DPP8: variants seen among roughly 807,000 people sequenced by gnomAD.
DPP8 encodes the protein dipeptidyl peptidase 8.
In DPP8, 31 loss-of-function variants were observed where a neutral mutation model predicts 107.5. The ratio of observed to expected loss-of-function variants is 0.29; its 90% CI spans 0.22 to 0.39. The LOEUF (loss-of-function observed/expected upper bound fraction) is 0.39, where lower values mean the gene tolerates loss of function less well. Ranked by LOEUF, DPP8 falls within the 10% of genes least tolerant of loss-of-function variation. DPP8 has a pLI of 1.00. For missense variants in DPP8, 842 were observed against 1,076.1 expected, an observed-to-expected ratio of 0.78 and a Z score of 3.04; for synonymous variants, 381 against 356.6, an observed-to-expected ratio of 1.07 and a Z score of -0.77.
Position 65,501,891 on chromosome 15 carries a change from C to A in DPP8, c.373-1112G>T, listed in dbSNP as rs140728874. 1.5e-3 allele frequency among the ~76,000 whole-genome samples: 221 copies of A among 152,164 alleles called. 1 individual carries two copies. Among genetic ancestry groups the A allele is most frequent in the African/African-American group, 5.0e-3 (208 of 41,536 alleles). On this transcript the variant is annotated intron_variant, in intron 3 of 19. Coordinates refer to ENST00000300141, the MANE Select transcript of DPP8 (RefSeq NM_130434.5). The stretch of plus-strand genomic sequence containing the variant: ...CCAATTCACTATTTCACAGTGATTT[C>A]TTTCTTTCTTTCTTTGAGACAAAAC...
chr15:65,499,056 C>T (rs1298184790), intron 4 of DPP8, among the ~76,000 whole-genome samples: 1 of 134,894 alleles, frequency 7.4e-6, no homozygotes, highest in South Asian at 2.3e-4. Context: ...ACTTTGTCTC[C>T]CCCCCAAAAA....
intron 2 of DPP8, among the ~76,000 whole-genome samples, chr15:65,508,426 C>T (rs1171886107): frequency 6.6e-6 from 1 of 152,118 alleles, no homozygotes; most frequent in African/African-American, 2.4e-5. Flanking sequence ...TCTGCAAAAT[C>T]ATGTGATAAC....
rs1326001603 is a variant in DPP8, at chr15:65,476,207, T to TA, written c.1457-1920dup. 2.0e-5 allele frequency among the ~76,000 whole-genome samples: 3 copies of TA among 152,182 alleles called. No homozygotes were observed. In the East Asian group the frequency reaches 5.8e-4, roughly 29 times the overall value. On this transcript the variant is annotated intron_variant, in intron 11 of 19. Coordinates refer to ENST00000300141, the MANE Select transcript of DPP8 (RefSeq NM_130434.5). ...ACAGGCCTAGGTGGTGAGGCTGTATTAGTGTCTTTCCTAGGGTTCCACGTA... is the reference window on the plus strand; with the variant it reads ...ACAGGCCTAGGTGGTGAGGCTGTATTAAGTGTCTTTCCTAGGGTTCCACGTA...
intron 2 of DPP8, among the ~76,000 whole-genome samples, chr15:65,510,737 C>A (rs1354856601): frequency 1.3e-5 from 2 of 152,152 alleles, no homozygotes; most frequent in Non-Finnish European, 2.9e-5. Context: ...CGCGGTTTCA[C>A]CATGTTGGTG....
chr15:65,466,717 T>C lies in DPP8; in HGVS notation c.1786A>G (p.Lys596Glu). 2 of 1,614,180 alleles carry C rather than the reference T, an allele frequency of 1.2e-6. No homozygotes were observed. Among genetic ancestry groups the C allele is most frequent in the Non-Finnish European group, 1.7e-6 (2 of 1,180,006 alleles). ...LSSPEDDPTC[K>E]TKEFWATILD... is the part of the protein sequence containing the mutation. ...ATGGTGGCCCAAAATTCCTTTGTTT[T>C]GCAAGTTGGGTCATCTTCAGGACTT... is the stretch of plus-strand genomic sequence containing the variant. The change falls in exon 14 of 20, where the codon AAA becomes GAA. Residue 596 changes from lysine (K) to glutamate (E), a missense_variant. Coordinates refer to ENST00000300141, the MANE Select transcript of DPP8 (RefSeq NM_130434.5).
chr15:65,513,995 C>G (rs1437104906), intron 1 of DPP8, among the ~76,000 whole-genome samples: 2 of 152,188 alleles, frequency 1.3e-5, no homozygotes, highest in Non-Finnish European at 2.9e-5. Context: ...TTAACTACTT[C>G]TATAATAATA....
At position 65,456,263 on chromosome 15, in the gene DPP8, G is replaced by A; in HGVS notation, c.2080C>T (p.Arg694Ter). ...AAGGCGCCTTCAAATTTAAGCCCTC[G>A]GTGACAGGATCCCCTGTTGTCTATC... ...VVIDNRGSCH[R>*]GLKFEGAFKY... The change falls in exon 16 of 20, where the codon CGA becomes TGA. Residue 694 changes from arginine (R) to a stop codon, truncating the protein, a stop_gained. Transcript: ENST00000300141. LOFTEE classifies it high-confidence loss of function. 5 of 1,613,346 alleles carry A rather than the reference G, an allele frequency of 3.1e-6. No individual in the cohort carries two copies. The highest frequency in any genetic ancestry group is 4.2e-6 in the Non-Finnish European group (5 of 1,179,834).
intron 8 of DPP8, among the ~76,000 whole-genome samples, chr15:65,484,704 C>CTTG (rs914260100): frequency 1.3e-5 from 2 of 149,240 alleles, no homozygotes; most frequent in African/African-American, 4.9e-5. Context: ...TTTACCTAGT[C>CTTG]TTGTGTGCAT....
In DPP8 at chr15:65,497,926, T is replaced by C; in HGVS notation, c.653A>G (p.Asn218Ser). The C allele has an allele frequency of 1.2e-6, 2 of 1,605,196 alleles. No homozygotes were observed. Among genetic ancestry groups the C allele is most frequent in the East Asian group, 2.2e-5 (1 of 44,704 alleles). ...TACGATGTTAGATATCCAAATATCG[T>C]TGCTATGTATAAAAGCAATCCAGTC... ...DPDWIAFIHS[N>S]DIWISNIVTR... The change falls in exon 5 of 20, where the codon AAC becomes AGC. Residue 218 changes from asparagine (N) to serine (S), a missense_variant. Physicochemically the swap from Asn to Ser is conservative, Grantham distance 46. Around this residue, in one of 2 missense-constraint regions of DPP8, gnomAD observed 663 missense variants for 758.0 expected, o/e 0.87. Transcript: ENST00000300141.
chr15:65,450,028 C>T (rs891332424), intron 19 of DPP8, among the ~76,000 whole-genome samples: 4 of 151,866 alleles, frequency 2.6e-5, no homozygotes, highest in Non-Finnish European at 2.9e-5. Flanking sequence ...AGTGCAATAG[C>T]GCGATCTCAG....
At chr15:65,487,150 CTTCT>C (rs1223061255) in intron 7 of DPP8, among the ~76,000 whole-genome samples, 1 of 151,432 alleles carries the variant, frequency 6.6e-6, no homozygotes, top group African/African-American at 2.4e-5. Flanking sequence ...GCAAAGACAC[CTTCT>C]TTTTTTTTTT....
chr15:65,466,628 CTAA>C (rs1294688173), intron 14 of DPP8, 47 bp downstream of exon 14: 1 of 1,511,452 alleles, frequency 6.6e-7, no homozygotes, highest in African/African-American at 1.4e-5. Context: ...GTTTAGTGTA[CTAA>C]TATATTAATC....
rs773580222 is a variant in DPP8 at position 65,466,805 on chromosome 15, G to A, written c.1698C>T (p.Asp566=). ...SHSCCISQHC[D]FFISKYSNQK... ...GGTTACTATACTTACTTATAAAGAA[G>A]TCACAGTGCTAGAGAAAGGAGAAAC... Residue 566 remains aspartate, a synonymous_variant, in exon 14 of 20, where the codon GAC becomes GAT. Transcript: ENST00000300141. The A allele has an allele frequency of 1.2e-6, 2 of 1,612,974 alleles. No homozygotes were observed. The highest frequency in any genetic ancestry group is 4.5e-5 in the East Asian group (2 of 44,870).
At position 65,448,688 on chromosome 15, in the gene DPP8, A is replaced by AT. The variant is rs1206941724; in HGVS notation, c.2527-1683_2527-1682insA. 7.1e-3 allele frequency among the ~76,000 whole-genome samples: 907 copies of AT among 127,708 alleles called. 42 individuals carry two copies. The highest frequency in any genetic ancestry group is 0.026 in the African/African-American group (842 of 32,546). 83.8% of individuals were successfully genotyped at this position (127,708 alleles called of 152,430 possible). ...CTCCATCTCAAAAAAAAAAAAAAAA[A>AT]AAATATATATATATATAAAATGTAC... On this transcript the variant is annotated intron_variant, in intron 19 of 19. Transcript: ENST00000300141.
intron 5 of DPP8, among the ~76,000 whole-genome samples, chr15:65,495,897 C>A (rs1463202936): frequency 1.3e-5 from 2 of 151,910 alleles, no homozygotes; most frequent in African/African-American, 4.8e-5. Context: ...CAAACAACAA[C>A]AAAAAAGAAC....
intron 2 of DPP8, chr15:65,512,004 A>G (rs1329961444): frequency 5.6e-6 from 3 of 534,894 alleles, no homozygotes; most frequent in Admixed American, 4.6e-5. Context: ...TTGTTTTCCT[A>G]ATCAGACCAT....
intron 15 of DPP8, among the ~76,000 whole-genome samples, chr15:65,463,543 A>C (rs1484458916): frequency 7.0e-6 from 1 of 143,062 alleles, no homozygotes; most frequent in African/African-American, 2.5e-5. Flanking sequence ...ACTCCATCTC[A>C]AAAAAAAAAA....
chr15:65,470,796 G>A (rs187836756), intron 12 of DPP8, among the ~76,000 whole-genome samples: 47 of 152,050 alleles, frequency 3.1e-4, no homozygotes, highest in Non-Finnish European at 5.7e-4. Flanking sequence ...GTGTATGCCT[G>A]TAATCCCAGC....
rs946379941 is a variant in DPP8, at chr15:65,463,636, G to A, written c.1971+125C>T. ...AAACTGAATAATTGGAATATAAGAC[G>A]GAGTCATTAAAAGCAAATGCCCAAC... On this transcript the variant is annotated intron_variant, in intron 15 of 19. Coordinates refer to ENST00000300141, the MANE Select transcript of DPP8 (RefSeq NM_130434.5). The A allele has an allele frequency of 8.4e-5, 61 of 722,392 alleles. No homozygotes were observed. The African/African-American group carries it at 8.6e-4, about 10-fold the overall frequency. The allele number at this position is 722,392 out of a possible 1,614,324, so 44.7% of individuals were successfully genotyped here. A position where few individuals can be genotyped will look rare whatever the true frequency, so the allele number is the denominator to read the frequency against.
Sources: gnomAD v4.1 joint callset for allele counts (sites outside exome capture counted in the v4.1 genomes callset) on GRCh38, gnomAD v4.1.1 for gene constraint, gnomAD v4.1.1 regional missense constraint, MANE v1.5 for transcripts, NCBI Gene and HGNC (gene_info 2026-07-23, HGNC 2026-07-21) for gene names.